Variants in FSIP1 observed in about 807,000 individuals in gnomAD.
FSIP1 encodes the protein fibrous sheath-interacting protein 1.
FSIP1 carries 65 observed loss-of-function variants against 60.9 expected under a neutral mutation model. That is an observed-to-expected ratio of 1.07 (90% confidence interval 0.87 to 1.31). The LOEUF (loss-of-function observed/expected upper bound fraction) is 1.31. Among genes scored for constraint, FSIP1 ranks in the 40% most tolerant of loss-of-function variants. The probability of loss-of-function intolerance (pLI) is 0.00; values close to 1 mark genes in which losing one functional copy is unlikely to be tolerated. For missense variants in FSIP1, 675 were observed against 665.5 expected (o/e 1.01, Z -0.16); for synonymous variants, 209 against 221.2 (o/e 0.94, Z 0.49).
chr15:39,659,627 T>TAAAAA (rs10648104), intron 10 of FSIP1, among the ~76,000 whole-genome samples: 6 of 138,008 alleles, frequency 4.3e-5, no homozygotes, highest in Non-Finnish European at 6.1e-5. Flanking sequence ...GCTGTTATTT[T>TAAAAA]AAAAAAAAAA....
At chr15:39,720,102 G>T (rs1895895540) in intron 9 of FSIP1, among the ~76,000 whole-genome samples, 2 of 152,126 alleles carry the variant, frequency 1.3e-5, no homozygotes, top group South Asian at 4.1e-4. Flanking sequence ...TACATTTGGG[G>T]TCAAGTAGAG....
intron 5 of FSIP1, among the ~76,000 whole-genome samples, chr15:39,746,011 C>T (rs535860473): frequency 1.3e-5 from 2 of 152,060 alleles, no homozygotes; most frequent in East Asian, 1.9e-4. Flanking sequence ...CCCAGGAATT[C>T]GAGGTGGCAG....
At chr15:39,763,438 T>C (rs530249147) in intron 5 of FSIP1, among the ~76,000 whole-genome samples, 6 of 152,188 alleles carry the variant, frequency 3.9e-5, no homozygotes, top group Non-Finnish European at 8.8e-5. Context: ...GACCAGGAAA[T>C]AGGACAAATC....
At chr15:39,686,699 C>G (rs1894385206) in intron 10 of FSIP1, among the ~76,000 whole-genome samples, 1 of 152,184 alleles carries the variant, frequency 6.6e-6, no homozygotes. Flanking sequence ...TTTCTTCATC[C>G]CTTTCAAATA....
chr15:39,625,450 C>T (rs547014680), intron 10 of FSIP1, among the ~76,000 whole-genome samples: 66 of 152,274 alleles, frequency 4.3e-4, no homozygotes, highest in African/African-American at 1.5e-3. Context: ...GCAGGAGAGC[C>T]AGACTGTGCT....
At chr15:39,634,922 A>C (rs1349824162) in intron 10 of FSIP1, among the ~76,000 whole-genome samples, 2 of 152,232 alleles carry the variant, frequency 1.3e-5, no homozygotes, top group African/African-American at 4.8e-5. Context: ...CCTTGCAGAC[A>C]AAATGGTAAC....
intron 10 of FSIP1, among the ~76,000 whole-genome samples, chr15:39,651,604 C>T (rs1892871865): frequency 6.6e-6 from 1 of 152,220 alleles, no homozygotes; most frequent in South Asian, 2.1e-4. Context: ...GTATTCAAAA[C>T]ACTTAACACA....
intron 3 of FSIP1, 140 bp downstream of exon 3, chr15:39,770,287 T>C: frequency 1.9e-6 from 1 of 514,706 alleles, no homozygotes; most frequent in Non-Finnish European, 3.2e-6. Context: ...TGCTCACAAA[T>C]AGTCTATGTC....
At chr15:39,716,114 AGG>A (rs1895728317) in intron 9 of FSIP1, among the ~76,000 whole-genome samples, 3 of 152,202 alleles carry the variant, frequency 2.0e-5, no homozygotes, top group African/African-American at 7.2e-5. Context: ...TATTTTTTAA[AGG>A]AAATCTAATG....
intron 9 of FSIP1, among the ~76,000 whole-genome samples, chr15:39,716,315 T>C (rs780801623): frequency 1.3e-5 from 2 of 152,164 alleles, no homozygotes; most frequent in Non-Finnish European, 2.9e-5. Context: ...TTCTAAATCT[T>C]GGGGCAAGCA....
At chr15:39,616,128 G>C (rs1457077733) in intron 11 of FSIP1, among the ~76,000 whole-genome samples, 1 of 151,948 alleles carries the variant, frequency 6.6e-6, no homozygotes, top group African/African-American at 2.4e-5. Flanking sequence ...TTTCATGTAA[G>C]AAACAAAAAA....
intron 10 of FSIP1, among the ~76,000 whole-genome samples, chr15:39,619,607 T>C (rs1406612588): frequency 1.3e-5 from 2 of 152,192 alleles, no homozygotes; most frequent in Non-Finnish European, 2.9e-5. Flanking sequence ...GGAATCCAGA[T>C]ATAGTATTTT....
intron 5 of FSIP1, among the ~76,000 whole-genome samples, chr15:39,753,136 C>T (rs1156403429): frequency 6.6e-6 from 1 of 152,046 alleles, no homozygotes; most frequent in East Asian, 1.9e-4. Context: ...TCCAGAATAG[C>T]TAGTAACCTG....
At chr15:39,707,668 T>G (rs1313934385) in intron 10 of FSIP1, among the ~76,000 whole-genome samples, 1 of 152,182 alleles carries the variant, frequency 6.6e-6, no homozygotes, top group African/African-American at 2.4e-5. Flanking sequence ...TCTAAGTACC[T>G]TATATATACT....
chr15:39,634,206 C>T (rs1892033363), intron 10 of FSIP1, among the ~76,000 whole-genome samples: 1 of 152,212 alleles, frequency 6.6e-6, no homozygotes, highest in African/African-American at 2.4e-5. Context: ...CAAAAAGCTG[C>T]TATTCTCCAA....
At chr15:39,710,387 G>A (rs983349737) in intron 10 of FSIP1, among the ~76,000 whole-genome samples, 4 of 150,986 alleles carry the variant, frequency 2.6e-5, no homozygotes, top group African/African-American at 4.9e-5. Context: ...GGAGGCTGAG[G>A]TGGGAGGACT....
chr15:39,724,787 C>A (rs1346360110), intron 9 of FSIP1, among the ~76,000 whole-genome samples: 1 of 152,182 alleles, frequency 6.6e-6, no homozygotes, highest in Non-Finnish European at 1.5e-5. Flanking sequence ...GAGATTTCAG[C>A]TACCCTTGAA....
chr15:39,758,931 C>T (rs903879197), intron 5 of FSIP1, among the ~76,000 whole-genome samples: 7 of 151,892 alleles, frequency 4.6e-5, no homozygotes, highest in Non-Finnish European at 7.4e-5. Context: ...GGGGAAATGA[C>T]AGATTATCCA....
At chr15:39,712,722 G>GA (rs1895573436) in intron 10 of FSIP1, among the ~76,000 whole-genome samples, 1 of 152,162 alleles carries the variant, frequency 6.6e-6, no homozygotes. Flanking sequence ...TAGTATGACA[G>GA]AGCAATTCTA....
Sources: allele counts gnomAD v4.1 joint callset (sites outside exome capture counted in the v4.1 genomes callset), GRCh38; gene constraint gnomAD v4.1.1; transcripts MANE v1.5; gene names NCBI Gene and HGNC (gene_info 2026-07-23, HGNC 2026-07-21).